Variants in RPUSD4 observed in about 807,000 individuals in gnomAD.
RPUSD4 encodes the protein pseudouridylate synthase RPUSD4, mitochondrial.
In RPUSD4, 37 loss-of-function variants were observed where a neutral mutation model predicts 35.4. The observed-to-expected ratio is 1.04, with a 90% confidence interval of 0.80 to 1.37. The LOEUF is 1.37. Ranked by LOEUF, RPUSD4 falls within the 40% of genes most tolerant of loss-of-function variation. RPUSD4 has a pLI of 0.00. For missense variants in RPUSD4, 507 were observed against 484.9 expected (o/e 1.05, Z -0.43); for synonymous variants, 210 against 192.7 (o/e 1.09, Z -0.74).
Position 126,202,910 on chromosome 11 carries a change from C to A in RPUSD4, c.*508G>T. 6.1e-6 allele frequency: 1 copy of A among 163,304 alleles called. No homozygotes were observed. The allele number at this position is 163,304 out of a possible 1,614,324, so 10.1% of individuals were successfully genotyped here. ...CCACCTCAACCTCACACTCAATACC[C>A]TTATACAGGTTCCCTAATCAGAGTT... On this transcript the variant is annotated 3_prime_UTR_variant, in exon 7 of 7. Transcript: ENST00000298317.
intron 3 of RPUSD4, chr11:126,208,512 G>A (rs1030937580): frequency 6.6e-6 from 1 of 152,296 alleles, no homozygotes; most frequent in Non-Finnish European, 1.5e-5. Flanking sequence ...ATGGGGAATA[G>A]AGGGTTTCTT....
rs1565320348 is a variant in RPUSD4 at position 126,211,552 on chromosome 11, C to T, written c.87G>A (p.Lys29=). The change falls in exon 1 of 7, where the codon AAG becomes AAA. Residue 29 remains lysine (K), a synonymous_variant. Coordinates refer to ENST00000298317, the MANE Select transcript of RPUSD4 (RefSeq NM_032795.3). Reference sequence around the variant, plus strand: ...AGGCAGCGGCAGCGGCACAAAATGGCTTTGAGACGAGAGTGAAGAGACTCC... The same window carrying T: ...AGGCAGCGGCAGCGGCACAAAATGGTTTTGAGACGAGAGTGAAGAGACTCC... ...GCGSLFTLVS[K]PFCAAAAAST... The T allele has an allele frequency of 6.2e-7, 1 of 1,614,224 alleles. No individual in the cohort carries two copies. The highest frequency in any genetic ancestry group is 8.5e-7 in the Non-Finnish European group (1 of 1,180,046).
chr11:126,204,833 T>C (rs1434338161), intron 5 of RPUSD4, among the ~76,000 whole-genome samples: 2 of 152,178 alleles, frequency 1.3e-5, no homozygotes, highest in African/African-American at 4.8e-5. Context: ...TAAACAACAA[T>C]TCCCTATTTA....
rs1370100587 is a variant in RPUSD4 at position 126,203,468 on chromosome 11, T to A, written c.1084A>T (p.Asn362Tyr). 4 of 1,614,018 alleles carry A rather than the reference T, an allele frequency of 2.5e-6. No homozygotes were observed. The highest frequency in any genetic ancestry group is 3.4e-6 in the Non-Finnish European group (4 of 1,180,042). ...SLHRLRLEMP[N>Y]EDQNENNEAK... ...TCATTGTTCTCATTTTGATCCTCAT[T>A]TGGCATCTCTAAACGCAGGCGGTGC... Residue 362 changes from asparagine (N) to tyrosine (Y), a missense_variant, in exon 7 of 7, where the codon AAT becomes TAT. By Grantham distance (143) the Asn-to-Tyr change is moderately radical. Coordinates refer to ENST00000298317, the MANE Select transcript of RPUSD4 (RefSeq NM_032795.3).
Position 126,209,603 on chromosome 11 carries a change from C to T in RPUSD4, c.475G>A (p.Val159Ile). 1 of 1,614,242 alleles carries T rather than the reference C, an allele frequency of 6.2e-7. No individual in the cohort carries two copies. Among genetic ancestry groups the T allele is most frequent in the Non-Finnish European group, 8.5e-7 (1 of 1,180,048 alleles). Residue 159 changes from valine (V) to isoleucine (I), a missense_variant, in exon 3 of 7, where the codon GTA becomes ATA. Coordinates refer to ENST00000298317, the MANE Select transcript of RPUSD4 (RefSeq NM_032795.3). ...CHRLDKETTG[V>I]MVLAWDKDMA... Reference sequence around the variant, plus strand: ...TCCTTGTCCCAAGCCAACACCATTACACCTGTGGTTTCCTTGTCCAGCCGG... The same window carrying T: ...TCCTTGTCCCAAGCCAACACCATTATACCTGTGGTTTCCTTGTCCAGCCGG...
In RPUSD4 at chr11:126,209,506, C is replaced by T. The variant is rs376181613; in HGVS notation, c.557+15G>A. 6.2e-7 allele frequency: 1 copy of T among 1,608,812 alleles called. No individual in the cohort carries two copies. The highest frequency in any genetic ancestry group is 8.5e-7 in the Non-Finnish European group (1 of 1,175,194). On this transcript the variant is annotated intron_variant, in intron 3 of 6. Coordinates refer to ENST00000298317, the MANE Select transcript of RPUSD4 (RefSeq NM_032795.3). Reference sequence around the variant, plus strand: ...CCACTTATACCACCTCTACTGCCATCAGCAGGCCTCATACCAGTACTTCTT... The same window carrying T: ...CCACTTATACCACCTCTACTGCCATTAGCAGGCCTCATACCAGTACTTCTT...
Position 126,203,258 on chromosome 11 carries a change from T to C in RPUSD4, c.*160A>G, listed in dbSNP as rs1949731870. The C allele has an allele frequency of 9.5e-7, 1 of 1,054,652 alleles. No individual in the cohort carries two copies. 65.3% of individuals were successfully genotyped at this position (1,054,652 alleles called of 1,614,324 possible). On this transcript the variant is annotated 3_prime_UTR_variant, in exon 7 of 7. Coordinates refer to ENST00000298317, the MANE Select transcript of RPUSD4 (RefSeq NM_032795.3). Reference sequence around the variant, plus strand: ...AAGCCCTGTAGCAGCTGAGTTGCTTTACCTTATCCCACCTGGCTCTTACGC... The same window carrying C: ...AAGCCCTGTAGCAGCTGAGTTGCTTCACCTTATCCCACCTGGCTCTTACGC...
chr11:126,205,275 T>C (rs536295115), intron 5 of RPUSD4, among the ~76,000 whole-genome samples, 193 bp downstream of exon 5: 2 of 152,328 alleles, frequency 1.3e-5, no homozygotes, highest in African/African-American at 4.8e-5. Context: ...CAGTTTTAAA[T>C]AGAGGCATTC....
At chr11:126,204,141 G>C (rs1949742960) in intron 6 of RPUSD4, 90 bp downstream of exon 6, 1 of 897,252 alleles carries the variant, frequency 1.1e-6, no homozygotes, top group Non-Finnish European at 1.8e-6. Flanking sequence ...CAATCAGTAG[G>C]CTTTGTTGTA....
At chr11:126,203,966 C>T (rs1949741778) in intron 6 of RPUSD4, among the ~76,000 whole-genome samples, 1 of 152,204 alleles carries the variant, frequency 6.6e-6, no homozygotes, top group African/African-American at 2.4e-5. Flanking sequence ...TCCCAGCCTT[C>T]AGAAACACCC....
chr11:126,208,104 G>A (rs2135101684), intron 3 of RPUSD4, among the ~76,000 whole-genome samples: 1 of 152,052 alleles, frequency 6.6e-6, no homozygotes, highest in Admixed American at 6.5e-5. Context: ...ACTCACCACT[G>A]CTGGTGGGAA....
rs1393525210 is a variant in RPUSD4 at position 126,203,615 on chromosome 11, A to G, written c.937T>C (p.Ser313Pro). ...TGAAGGGGGATGTAGCGGGCCTTCG[A>G]CTGTTCTAGCCCCAGCTTCTTCAGG... ...GTLKKLGLEQSKARYIPLHLH... is the reference protein window; with the variant it reads ...GTLKKLGLEQPKARYIPLHLH... Residue 313 changes from serine (S) to proline (P), a missense_variant, in exon 7 of 7, where the codon TCG (serine) becomes CCG (proline). Ser to Pro is a moderately conservative substitution (Grantham distance 74). Coordinates refer to ENST00000298317, the MANE Select transcript of RPUSD4 (RefSeq NM_032795.3). 1 of 1,613,996 alleles carries G rather than the reference A, an allele frequency of 6.2e-7. No homozygotes were observed. The highest frequency in any genetic ancestry group is 8.5e-7 in the Non-Finnish European group (1 of 1,180,016).
At chr11:126,206,133 T>C (rs1949772168) in intron 3 of RPUSD4, 1 of 167,720 alleles carries the variant, frequency 6.0e-6, no homozygotes, top group South Asian at 1.9e-4. Context: ...AATAAAAGAT[T>C]GTAGATTCTG....
In RPUSD4 at chr11:126,203,228, A is replaced by ATTAAAAGCCC. The variant is rs1391653173; in HGVS notation, c.*180_*189dup. On this transcript the variant is annotated 3_prime_UTR_variant, in exon 7 of 7. Transcript: ENST00000298317. ...TATCAGTAAATAGACTTTGTTCTCC[A>ATTAAAAGCCC]TTAAAAGCCCTGTAGCAGCTGAGTT... The ATTAAAAGCCC allele has an allele frequency of 1.3e-6, 1 of 744,686 alleles. No individual in the cohort carries two copies. The highest frequency in any genetic ancestry group is 2.1e-6 in the Non-Finnish European group (1 of 468,736). 46.1% of individuals were successfully genotyped at this position (744,686 alleles called of 1,614,324 possible).
In RPUSD4 at chr11:126,205,628, T is replaced by C. The variant is rs1949765206; in HGVS notation, c.652-16A>G. ...ACAATGTCATCTGAAGCCAAAGAAA[T>C]CAAGATATGATTCCCAAGGAAGAGC... On this transcript the variant is annotated splice_polypyrimidine_tract_variant and intron_variant, in intron 4 of 6. Coordinates refer to ENST00000298317, the MANE Select transcript of RPUSD4 (RefSeq NM_032795.3). 1 of 1,613,906 alleles carries C rather than the reference T, an allele frequency of 6.2e-7. No individual in the cohort carries two copies. Among genetic ancestry groups the C allele is most frequent in the Non-Finnish European group, 8.5e-7 (1 of 1,179,874 alleles).
In RPUSD4 at chr11:126,203,643, G is replaced by A. The variant is rs1484508136; in HGVS notation, c.909C>T (p.Gly303=). Residue 303 remains glycine, a synonymous_variant, in exon 7 of 7, where the codon GGC becomes GGT. Transcript: ENST00000298317. ...GTTCTAGCCCCAGCTTCTTCAGGGT[G>A]CCCACAGACAGCTTCTATACAAAGA... ...NRLAPQKLSV[G]TLKKLGLEQS... 2.5e-6 allele frequency: 4 copies of A among 1,612,556 alleles called. No individual in the cohort carries two copies. Among genetic ancestry groups the A allele is most frequent in the East Asian group, 2.2e-5 (1 of 44,820 alleles).
In RPUSD4 at chr11:126,211,201, A is replaced by C. The variant is rs560656492; in HGVS notation, c.190-146T>G. 4.9e-6 allele frequency: 5 copies of C among 1,030,734 alleles called. No individual in the cohort carries two copies. The East Asian group carries it at 1.2e-4, about 25-fold the overall frequency. The allele number at this position is 1,030,734 out of a possible 1,614,324, so 63.8% of individuals were successfully genotyped here. ...GCCTTCGACTAATTTGAGAGCAGAG[A>C]TACCCATCTGTCTAACCTGCGTACC... On this transcript the variant is annotated intron_variant, in intron 1 of 6. Coordinates refer to ENST00000298317, the MANE Select transcript of RPUSD4 (RefSeq NM_032795.3).
At chr11:126,205,100 A>G (rs778692331) in intron 5 of RPUSD4, among the ~76,000 whole-genome samples, 3 of 152,184 alleles carry the variant, frequency 2.0e-5, no homozygotes, top group Non-Finnish European at 4.4e-5. Flanking sequence ...TTGTTTCTCC[A>G]TTCATCCCCC....
At chr11:126,206,051 C>A in intron 3 of RPUSD4, 1 of 318,702 alleles carries the variant, frequency 3.1e-6, no homozygotes, top group South Asian at 1.1e-4. Context: ...CATGGTCTTT[C>A]CAGTCTTTAA....
Sources: gnomAD v4.1 joint callset for allele counts (sites outside exome capture counted in the v4.1 genomes callset) on GRCh38, gnomAD v4.1.1 for gene constraint, MANE v1.5 for transcripts, NCBI Gene and HGNC (gene_info 2026-07-23, HGNC 2026-07-21) for gene names.